DYM: variants seen among roughly 807,000 people sequenced by gnomAD.
DYM encodes dymeclin.
DYM carries 78 observed loss-of-function variants against 93.1 expected under a neutral mutation model. The observed-to-expected ratio is 0.84, with a 90% CI of 0.70 to 1.01. DYM has a LOEUF of 1.01. Among genes scored for constraint, DYM ranks in the 50% least tolerant of loss-of-function variants. The probability of loss-of-function intolerance (pLI) is 0.00; values close to 1 mark genes in which losing one functional copy is unlikely to be tolerated. For missense variants in DYM, 789 were observed against 845.0 expected (o/e 0.93, Z 0.82); for synonymous variants, 321 against 319.7 (o/e 1.00, Z -0.04).
chr18:49,218,933 CA>C (rs1417784246), intron 13 of DYM, among the ~76,000 whole-genome samples: 5 of 152,078 alleles, frequency 3.3e-5, no homozygotes, highest in South Asian at 4.1e-4. Flanking sequence ...AATAGAGACA[CA>C]AAAAACCCTT....
intron 8 of DYM, among the ~76,000 whole-genome samples, chr18:49,306,782 T>C (rs193127900): frequency 2.0e-5 from 3 of 152,330 alleles, no homozygotes; most frequent in Admixed American, 2.0e-4. Context: ...CAACAACCTG[T>C]GAATTACTAT....
intron 11 of DYM, among the ~76,000 whole-genome samples, chr18:49,258,825 GAC>G (rs1555664092): frequency 8.0e-5 from 10 of 125,136 alleles, no homozygotes; most frequent in African/African-American, 2.9e-4. Context: ...CACACACAGA[GAC>G]ACACACACAC....
At position 49,108,759 on chromosome 18, in the gene DYM, T is replaced by G. The variant is rs902179147; in HGVS notation, c.1911+9985A>C. Among the ~76,000 whole-genome samples the G allele has an allele frequency of 7.2e-5, 11 of 152,366 alleles. No homozygotes were observed. In the East Asian group the frequency reaches 2.1e-3, roughly 29 times the overall value. On this transcript the variant is annotated intron_variant, in intron 16 of 17. Coordinates refer to ENST00000675505, the MANE Select transcript of DYM (RefSeq NM_001353214.3). ...GGTGGTTAGTATTGTTTGGGTCTTC[T>G]GTATCATCACAAATTTTCTGTTTAT...
intron 13 of DYM, among the ~76,000 whole-genome samples, chr18:49,223,883 G>A (rs572372429): frequency 6.6e-6 from 1 of 152,210 alleles, no homozygotes; most frequent in South Asian, 2.1e-4. Context: ...GAAGAACAGA[G>A]GTAGGTAAAA....
chr18:49,064,798 T>G (rs1248824476), intron 17 of DYM, among the ~76,000 whole-genome samples: 1 of 151,698 alleles, frequency 6.6e-6, no homozygotes, highest in Admixed American at 6.6e-5. Context: ...TAGGTTTAAT[T>G]TTTACCATGT....
intron 17 of DYM, among the ~76,000 whole-genome samples, chr18:49,060,065 C>T (rs189281256): frequency 6.6e-6 from 1 of 152,204 alleles, no homozygotes; most frequent in African/African-American, 2.4e-5. Context: ...TTAACATTTA[C>T]TTGGAGAGCT....
At chr18:49,375,944 T>C (rs1385246051) in intron 5 of DYM, among the ~76,000 whole-genome samples, 1 of 152,156 alleles carries the variant, frequency 6.6e-6, no homozygotes, top group Non-Finnish European at 1.5e-5. Context: ...TCCAGATTCT[T>C]CTGTTTTTGG....
rs2070919611 is a variant in DYM, at chr18:49,041,486, A to G, written c.*2569T>C. ...AATGCAAGTATAATGAAAGTTTATC[A>G]TTCAGATTTATTGCCATATAATAAA... On this transcript the variant is annotated 3_prime_UTR_variant, in exon 18 of 18. Coordinates refer to ENST00000675505, the MANE Select transcript of DYM (RefSeq NM_001353214.3). The G allele has an allele frequency of 6.6e-6, 1 of 152,226 alleles. No homozygotes were observed. Among genetic ancestry groups the G allele is most frequent in the Non-Finnish European group, 1.5e-5 (1 of 68,028 alleles). The allele number at this position is 152,226 out of a possible 1,614,324, so 9.4% of individuals were successfully genotyped here.
chr18:49,119,844 T>G (rs553396038), intron 15 of DYM, among the ~76,000 whole-genome samples: 25 of 151,858 alleles, frequency 1.6e-4, no homozygotes, highest in African/African-American at 5.8e-4. Context: ...TCCCAGCACT[T>G]TGGGAGGCCA....
At chr18:49,080,595 C>A (rs1418194065) in intron 17 of DYM, among the ~76,000 whole-genome samples, 10 of 144,656 alleles carry the variant, frequency 6.9e-5, no homozygotes, top group African/African-American at 1.0e-4. Context: ...GGGGGCTGAC[C>A]CCCCCACCTC....
chr18:49,344,483 A>C (rs893047102), intron 6 of DYM, among the ~76,000 whole-genome samples: 4 of 152,194 alleles, frequency 2.6e-5, no homozygotes, highest in Admixed American at 2.0e-4. Flanking sequence ...TAAAAATACA[A>C]GATTTAGAGA....
At chr18:49,128,599 C>A (rs2083062278) in intron 15 of DYM, among the ~76,000 whole-genome samples, 1 of 152,068 alleles carries the variant, frequency 6.6e-6, no homozygotes, top group Non-Finnish European at 1.5e-5. Context: ...TTTTTATTTG[C>A]AAAAATAAGT....
chr18:49,177,816 A>T (rs527271440), intron 14 of DYM, among the ~76,000 whole-genome samples: 1 of 152,170 alleles, frequency 6.6e-6, no homozygotes, highest in South Asian at 2.1e-4. Flanking sequence ...ACACTTCCAC[A>T]ATGCCTCCTG....
At chr18:49,370,466 AT>A (rs899208976) in intron 5 of DYM, among the ~76,000 whole-genome samples, 2 of 152,012 alleles carry the variant, frequency 1.3e-5, no homozygotes, top group African/African-American at 4.8e-5. Context: ...TAAACAAAAA[AT>A]AATTGTAAAG....
chr18:49,078,823 C>T (rs2077535474), intron 17 of DYM, among the ~76,000 whole-genome samples: 1 of 152,114 alleles, frequency 6.6e-6, no homozygotes, highest in Non-Finnish European at 1.5e-5. Flanking sequence ...TTTTTCCTTC[C>T]TCTCTGAAAG....
intron 13 of DYM, among the ~76,000 whole-genome samples, chr18:49,225,784 T>C (rs1385171796): frequency 6.6e-6 from 1 of 152,114 alleles, no homozygotes; most frequent in Non-Finnish European, 1.5e-5. Context: ...CATTCTGGTA[T>C]ATAAGTGCAT....
rs1308972651 is a variant in DYM, at chr18:49,043,530, AAC to A, written c.*523_*524del. The stretch of plus-strand genomic sequence containing the variant: ...TTGTGTGCCCTCTGACAGGCAACCA[AAC>A]ACACACGACTTCATTTCTTTATTAA... On this transcript the variant is annotated 3_prime_UTR_variant, in exon 18 of 18. Transcript: ENST00000675505. 6.4e-6 allele frequency: 1 copy of A among 155,076 alleles called. No homozygotes were observed. The highest frequency in any genetic ancestry group is 1.4e-5 in the Non-Finnish European group (1 of 69,892). The allele number at this position is 155,076 out of a possible 1,614,324, so 9.6% of individuals were successfully genotyped here.
intron 6 of DYM, among the ~76,000 whole-genome samples, chr18:49,347,829 G>A (rs2064733123): frequency 6.6e-6 from 1 of 152,208 alleles, no homozygotes; most frequent in Non-Finnish European, 1.5e-5. Context: ...GTTTTTAGAA[G>A]ATGAAAAATG....
chr18:49,273,256 G>A (rs765687486), intron 10 of DYM, among the ~76,000 whole-genome samples: 7 of 152,144 alleles, frequency 4.6e-5, no homozygotes, highest in African/African-American at 9.7e-5. Context: ...TTCAGTGCAT[G>A]AGCACTATTA....
Sources: gnomAD v4.1 joint callset for allele counts (sites outside exome capture counted in the v4.1 genomes callset) on GRCh38, gnomAD v4.1.1 for gene constraint, MANE v1.5 for transcripts, NCBI Gene and HGNC (gene_info 2026-07-23, HGNC 2026-07-21) for gene names.